ADRA1B: variants seen among roughly 807,000 people sequenced by gnomAD.
ADRA1B encodes adrenoceptor alpha 1B, also known as alpha-1B adrenergic receptor.
ADRA1B carries 17 observed loss-of-function variants against 17.9 expected under a neutral mutation model. The observed-to-expected ratio is 0.95, with a 90% CI of 0.65 to 1.42. ADRA1B has a LOEUF of 1.42. ADRA1B is among the 40% of genes most tolerant of loss of function. The probability of loss-of-function intolerance (pLI) is 0.00; values close to 1 mark genes in which losing one functional copy is unlikely to be tolerated. For synonymous variants in ADRA1B, 366 were observed against 327.6 expected (o/e 1.12, Z -1.27); for missense variants, 681 against 722.1 (o/e 0.94, Z 0.65).
At chr5:159,879,894 G>A (rs1753838965) in intron 1 of ADRA1B, among the ~76,000 whole-genome samples, 1 of 152,150 alleles carries the variant, frequency 6.6e-6, no homozygotes, top group Non-Finnish European at 1.5e-5. Flanking sequence ...TACTCATGAG[G>A]CTGAGGCAGA....
intron 1 of ADRA1B, among the ~76,000 whole-genome samples, chr5:159,949,463 T>C (rs34915150): frequency 0.12 from 17,624 of 152,296 alleles, 1,275 homozygotes; most frequent in Non-Finnish European, 0.16. Context: ...AAATAACCTC[T>C]TATTTTTCAG....
the ADRA1B span, among the ~76,000 whole-genome samples, chr5:159,985,156 A>G: frequency 2.9e-4 from 44 of 152,224 alleles, 2 homozygotes; most frequent in South Asian, 8.3e-3. Context: ...TGCTCATTCC[A>G]GATATTTACA....
chr5:159,905,901 G>C (rs1342642957), intron 1 of ADRA1B, among the ~76,000 whole-genome samples: 1 of 151,162 alleles, frequency 6.6e-6, no homozygotes, highest in African/African-American at 2.4e-5. Flanking sequence ...CTGTCACCCA[G>C]ACTGGAGTGC....
intron 1 of ADRA1B, among the ~76,000 whole-genome samples, chr5:159,970,349 C>T (rs527663355): frequency 2.6e-5 from 4 of 152,142 alleles, no homozygotes; most frequent in Non-Finnish European, 5.9e-5. Flanking sequence ...AAATCTCATT[C>T]TATTTCCTAC....
intron 1 of ADRA1B, among the ~76,000 whole-genome samples, chr5:159,927,310 CA>C (rs1340820234): frequency 7.9e-5 from 12 of 151,204 alleles, no homozygotes; most frequent in Non-Finnish European, 1.5e-4. Flanking sequence ...GACTTTATAG[CA>C]GAGCCAGATA....
intron 1 of ADRA1B, among the ~76,000 whole-genome samples, chr5:159,893,984 G>A (rs1754013443): frequency 6.6e-6 from 1 of 152,186 alleles, no homozygotes; most frequent in Admixed American, 6.5e-5. Context: ...AATCACTCTT[G>A]GAACCAAACA....
chr5:159,988,703 C>A, the ADRA1B span, among the ~76,000 whole-genome samples: 1 of 152,194 alleles, frequency 6.6e-6, no homozygotes, highest in African/African-American at 2.4e-5. Flanking sequence ...TGTGGCCGGG[C>A]ATGGTGGTGC....
At chr5:159,953,988 T>A (rs991010571) in intron 1 of ADRA1B, among the ~76,000 whole-genome samples, 1 of 152,010 alleles carries the variant, frequency 6.6e-6, no homozygotes, top group African/African-American at 2.4e-5. Flanking sequence ...ACACCAAAGC[T>A]GCCAGGAGAC....
chr5:159,881,337 C>T (rs1020353572), intron 1 of ADRA1B, among the ~76,000 whole-genome samples: 1 of 151,928 alleles, frequency 6.6e-6, no homozygotes, highest in Non-Finnish European at 1.5e-5. Flanking sequence ...CTCTCTCTCT[C>T]TCTCTCTCTG....
At chr5:159,917,999 A>C (rs3730285) in intron 1 of ADRA1B, 145 bp downstream of exon 1, 22,186 of 803,224 alleles carry the variant, frequency 0.028, 442 homozygotes, top group Non-Finnish European at 0.036. Context: ...TGTTCTGCAA[A>C]GGGTTTGCAG....
the ADRA1B span, among the ~76,000 whole-genome samples, chr5:159,980,372 G>C: frequency 6.6e-6 from 1 of 152,260 alleles, no homozygotes; most frequent in South Asian, 2.1e-4. Context: ...TAGTGTGAGG[G>C]AGAGCCCGAA....
chr5:159,940,532 A>C (rs1162202558), intron 1 of ADRA1B, among the ~76,000 whole-genome samples: 1 of 152,034 alleles, frequency 6.6e-6, no homozygotes, highest in African/African-American at 2.4e-5. Context: ...TGCTTATTCT[A>C]TATTCATAGT....
chr5:159,874,828 C>T (rs1287264274), intron 1 of ADRA1B, among the ~76,000 whole-genome samples: 1 of 152,214 alleles, frequency 6.6e-6, no homozygotes, highest in Non-Finnish European at 1.5e-5. Context: ...TCCAGGCCTT[C>T]CCTAGAGGGC....
chr5:159,951,925 A>G (rs773166634), intron 1 of ADRA1B, among the ~76,000 whole-genome samples: 2 of 152,164 alleles, frequency 1.3e-5, no homozygotes, highest in Non-Finnish European at 2.9e-5. Context: ...TGAGTTAGGC[A>G]TCTCTTCTCC....
the ADRA1B span, among the ~76,000 whole-genome samples, chr5:159,985,262 C>T: frequency 2.6e-5 from 4 of 152,186 alleles, no homozygotes; most frequent in Non-Finnish European, 5.9e-5. Context: ...CAGCTCTTTA[C>T]CTGGTTTTAC....
intron 1 of ADRA1B, among the ~76,000 whole-genome samples, chr5:159,965,289 A>G (rs1342837654): frequency 6.6e-6 from 1 of 152,162 alleles, no homozygotes; most frequent in East Asian, 1.9e-4. Context: ...CAGGGCAAGG[A>G]GCATCAGGAA....
chr5:159,979,182 A>G, the ADRA1B span, among the ~76,000 whole-genome samples: 1 of 152,202 alleles, frequency 6.6e-6, no homozygotes, highest in Non-Finnish European at 1.5e-5. Context: ...TTAATTTAGA[A>G]AAACCTTACA....
Position 159,884,179 on chromosome 5 carries a change from T to C in ADRA1B, c.-256+18973T>C, listed in dbSNP as rs541145242. On this transcript the variant is annotated intron_variant, in intron 1 of 2. Coordinates refer to the ADRA1B transcript ENST00000641205. ...TTCAGGATTGGGATGCAAAAAATAA[T>C]TGATTGTCCCATGTAAGTGAGGAAT... Among the ~76,000 whole-genome samples, 46 of 152,330 alleles carry C rather than the reference T, an allele frequency of 3.0e-4. No individual in the cohort carries two copies. In the East Asian group the frequency reaches 3.1e-3, roughly 10 times the overall value.
chr5:159,968,844 C>T (rs1755818751), intron 1 of ADRA1B, among the ~76,000 whole-genome samples: 1 of 152,186 alleles, frequency 6.6e-6, no homozygotes, highest in African/African-American at 2.4e-5. Context: ...CATCCCAAAA[C>T]GCTGGGATTA....
Sources: allele counts gnomAD v4.1 joint callset (sites outside exome capture counted in the v4.1 genomes callset), GRCh38; gene constraint gnomAD v4.1.1; transcripts MANE v1.5; gene names NCBI Gene and HGNC (gene_info 2026-07-23, HGNC 2026-07-21).